SLITRK5: variants seen among roughly 807,000 people sequenced by gnomAD.
SLITRK5 encodes the protein SLIT and NTRK-like protein 5.
Under a neutral mutation model 56.2 loss-of-function variants are expected in SLITRK5, and 23 were observed. The observed-to-expected ratio is 0.41, with a 90% CI of 0.29 to 0.58. SLITRK5 has a LOEUF of 0.58. Among genes scored for constraint, SLITRK5 ranks in the 20% least tolerant of loss-of-function variants. The pLI, the probability that SLITRK5 is intolerant of heterozygous loss-of-function variation, is 0.30. For missense variants in SLITRK5, 1,289 were observed against 1,226.6 expected (o/e 1.05, Z -0.76); for synonymous variants, 637 against 531.8 (o/e 1.20, Z -2.72).
Position 87,676,387 on chromosome 13 carries a change from G to A in SLITRK5, c.999G>A (p.Gly333=). 5 of 1,614,034 alleles carry A rather than the reference G, an allele frequency of 3.1e-6. No individual in the cohort carries two copies. The highest frequency in any genetic ancestry group is 2.5e-6 in the Non-Finnish European group (3 of 1,180,022). ...AACCCCCTTTGAAGCCCCCTAAGGG[G>A]ACTCGCCAACCCAACAAGCCCAGGG... The part of the protein sequence containing the change: ...VYKPPLKPPK[G]TRQPNKPRVR... The change falls in exon 2 of 2, where the codon GGG becomes GGA. Residue 333 remains glycine (G), a synonymous_variant. Coordinates refer to ENST00000683689, the MANE Select transcript of SLITRK5 (RefSeq NM_001384609.1).
At position 87,677,533 on chromosome 13, in the gene SLITRK5, C is replaced by A; in HGVS notation, c.2145C>A (p.Ser715Arg). The change falls in exon 2 of 2, where the codon AGC (serine) becomes AGA (arginine). Residue 715 changes from serine (S) to arginine (R), a missense_variant. Around this residue, in one of 3 missense-constraint regions of SLITRK5, gnomAD observed 985 missense variants for 906.0 expected, o/e 1.09. Transcript: ENST00000683689. The surrounding 1 kb of genome is among the most constrained non-coding windows in gnomAD (Gnocchi z 4.7). ...TGAGCTCCTTTAACATGCAGTACAG[C>A]GTGTACGGCGGCGGCGGCGGCACGG... ...SDVSSFNMQYSVYGGGGGTGG... is the reference protein window; with the variant it reads ...SDVSSFNMQYRVYGGGGGTGG... The A allele has an allele frequency of 1.9e-6, 3 of 1,608,866 alleles. No homozygotes were observed. The highest frequency in any genetic ancestry group is 2.5e-6 in the Non-Finnish European group (3 of 1,176,974).
chr13:87,677,023 G>T lies in SLITRK5; in HGVS notation c.1635G>T (p.Val545=). Reference sequence around the variant, plus strand: ...GTAACCACTTCACCTCCTTGCCAGTGAGTGGAGTTTTGGACCAGCTGAAGT... The same window carrying T: ...GTAACCACTTCACCTCCTTGCCAGTTAGTGGAGTTTTGGACCAGCTGAAGT... ...LRSNHFTSLP[V]SGVLDQLKSL... is the part of the protein sequence containing the mutation. The change falls in exon 2 of 2, where the codon GTG becomes GTT. Residue 545 remains valine, a synonymous_variant. Coordinates refer to ENST00000683689, the MANE Select transcript of SLITRK5 (RefSeq NM_001384609.1). The surrounding 1 kb of genome is among the most constrained non-coding windows in gnomAD (Gnocchi z 4.7). 1.2e-6 allele frequency: 2 copies of T among 1,614,116 alleles called. No individual in the cohort carries two copies. The highest frequency in any genetic ancestry group is 1.7e-6 in the Non-Finnish European group (2 of 1,180,024).
intron 1 of SLITRK5, chr13:87,673,533 T>G (rs750600746): frequency 4.5e-5 from 58 of 1,281,614 alleles, no homozygotes; most frequent in Non-Finnish European, 5.7e-5. Flanking sequence ...CCTCGCTGAA[T>G]GGATGTGCGG....
Position 87,675,545 on chromosome 13 carries a change from C to T in SLITRK5, c.157C>T (p.Pro53Ser), listed in dbSNP as rs780880574. The change falls in exon 2 of 2, where the codon CCT becomes TCT. Residue 53 changes from proline (P) to serine (S), a missense_variant. By Grantham distance (74) the Pro-to-Ser change is moderately conservative (BLOSUM62 -1). Transcript: ENST00000683689. ...YYGEICDNAC[P>S]CEEKDGILTV... The stretch of plus-strand genomic sequence containing the variant: ...TGGGGAAATCTGTGACAATGCATGT[C>T]CTTGTGAGGAAAAGGACGGCATTTT... 3.7e-6 allele frequency: 6 copies of T among 1,614,138 alleles called. No homozygotes were observed. Among genetic ancestry groups the T allele is most frequent in the East Asian group, 2.2e-5 (1 of 44,858 alleles).
At position 87,675,970 on chromosome 13, in the gene SLITRK5, C is replaced by T; in HGVS notation, c.582C>T (p.Asn194=). ...LNDNLLSSLP[N]NLFRFVPLTH... ...ACAATCTTTTGTCCAGTTTACCCAA[C>T]AATCTTTTCCGTTTTGTGCCCTTAA... is the stretch of plus-strand genomic sequence containing the variant. Residue 194 remains asparagine (N), a synonymous_variant, in exon 2 of 2, where the codon AAC becomes AAT. Coordinates refer to ENST00000683689, the MANE Select transcript of SLITRK5 (RefSeq NM_001384609.1). 2 of 1,614,144 alleles carry T rather than the reference C, an allele frequency of 1.2e-6. No homozygotes were observed. Among genetic ancestry groups the T allele is most frequent in the South Asian group, 1.1e-5 (1 of 91,088 alleles).
At chr13:87,672,330 G>A (rs965501962) in intron 1 of SLITRK5, among the ~76,000 whole-genome samples, 121 bp downstream of exon 1, 30 of 152,084 alleles carry the variant, frequency 2.0e-4, no homozygotes, top group Non-Finnish European at 4.0e-4. Flanking sequence ...GCGAGCGCTC[G>A]GCGGGGCTGA....
In SLITRK5 at chr13:87,678,048, A is replaced by C; in HGVS notation, c.2660A>C (p.Tyr887Ser). 1 of 1,614,032 alleles carries C rather than the reference A, an allele frequency of 6.2e-7. No homozygotes were observed. Reference sequence around the variant, plus strand: ...AAATTCCCGTGCAGCCCCGCTGCTTACACTTTCTCCCCCAACTATGACCTG... The same window carrying C: ...AAATTCCCGTGCAGCCCCGCTGCTTCCACTTTCTCCCCCAACTATGACCTG... ...YPKFPCSPAA[Y>S]TFSPNYDLRR... The change falls in exon 2 of 2, where the codon TAC becomes TCC. Residue 887 changes from tyrosine (Y) to serine (S), a missense_variant. Tyr to Ser is a moderately radical substitution (Grantham distance 144, BLOSUM62 -2). Around this residue, in one of 3 missense-constraint regions of SLITRK5, gnomAD observed 985 missense variants for 906.0 expected, o/e 1.09. Transcript: ENST00000683689.
Position 87,676,642 on chromosome 13 carries a change from G to T in SLITRK5, c.1254G>T (p.Glu418Asp), listed in dbSNP as rs1371159928. Residue 418 changes from glutamate to aspartate, a missense_variant, in exon 2 of 2, where the codon GAG becomes GAT. Around this residue, in one of 3 missense-constraint regions of SLITRK5, gnomAD observed 985 missense variants for 906.0 expected, o/e 1.09. Coordinates refer to ENST00000683689, the MANE Select transcript of SLITRK5 (RefSeq NM_001384609.1). ...PYNPKKMYLT[E>D]NYIAVVRRTD... ...ATCCCAAGAAAATGTATCTGACAGA[G>T]AACTACATCGCTGTCGTGCGCAGGA... The T allele has an allele frequency of 2.5e-6, 4 of 1,613,988 alleles. No homozygotes were observed. The highest frequency in any genetic ancestry group is 3.4e-6 in the Non-Finnish European group (4 of 1,180,044).
At position 87,678,145 on chromosome 13, in the gene SLITRK5, C is replaced by G; in HGVS notation, c.2757C>G (p.Pro919=). The G allele has an allele frequency of 6.2e-7, 1 of 1,614,206 alleles. No individual in the cohort carries two copies. The highest frequency in any genetic ancestry group is 8.5e-7 in the Non-Finnish European group (1 of 1,180,030). Residue 919 remains proline (P), a synonymous_variant, in exon 2 of 2, where the codon CCC becomes CCG. Transcript: ENST00000683689. The stretch of plus-strand genomic sequence containing the variant: ...TACGGGAACCGGTGCTCTACAGCCC[C>G]CCGAGTGCTGTCTTTGTAGAACCCA... ...SRLREPVLYS[P]PSAVFVEPNR...
At position 87,676,699 on chromosome 13, in the gene SLITRK5, C is replaced by A; in HGVS notation, c.1311C>A (p.Leu437=). The A allele has an allele frequency of 6.2e-7, 1 of 1,614,094 alleles. No individual in the cohort carries two copies. The change falls in exon 2 of 2, where the codon CTC becomes CTA. Residue 437 remains leucine, a synonymous_variant. Transcript: ENST00000683689. ...TDFLEATGLD[L]LHLGNNRISM... is the part of the protein sequence containing the mutation. ...TCCTGGAGGCCACGGGGCTGGACCT[C>A]CTGCACCTGGGGAATAACCGCATCT...
Position 87,677,033 on chromosome 13 carries a change from T to C in SLITRK5, c.1645T>C (p.Leu549=), listed in dbSNP as rs1430982680. 1.2e-6 allele frequency: 2 copies of C among 1,613,962 alleles called. No homozygotes were observed. The highest frequency in any genetic ancestry group is 1.7e-6 in the Non-Finnish European group (2 of 1,180,022). ...HFTSLPVSGV[L]DQLKSLIQID... is the part of the protein sequence containing the mutation. Reference sequence around the variant, plus strand: ...CACCTCCTTGCCAGTGAGTGGAGTTTTGGACCAGCTGAAGTCACTCATCCA... The same window carrying C: ...CACCTCCTTGCCAGTGAGTGGAGTTCTGGACCAGCTGAAGTCACTCATCCA... Residue 549 remains leucine (L), a synonymous_variant, in exon 2 of 2, where the codon TTG becomes CTG. Transcript: ENST00000683689. This position sits in a 1 kb window ranked among gnomAD's most constrained non-coding sequence, Gnocchi z 4.7.
Position 87,676,375 on chromosome 13 carries a change from G to A in SLITRK5, c.987G>A (p.Lys329=). Residue 329 remains lysine (K), a synonymous_variant, in exon 2 of 2, where the codon AAG becomes AAA. Transcript: ENST00000683689. ...SSSAVYKPPL[K]PPKGTRQPNK... ...CTGCTGTTTACAAACCCCCTTTGAAGCCCCCTAAGGGGACTCGCCAACCCA... is the reference window on the plus strand; with the variant it reads ...CTGCTGTTTACAAACCCCCTTTGAAACCCCCTAAGGGGACTCGCCAACCCA... 6.2e-7 allele frequency: 1 copy of A among 1,614,042 alleles called. No individual in the cohort carries two copies. Among genetic ancestry groups the A allele is most frequent in the Non-Finnish European group, 8.5e-7 (1 of 1,179,996 alleles).
At chr13:87,672,255 A>T (rs577323496) in intron 1 of SLITRK5, among the ~76,000 whole-genome samples, 46 bp downstream of exon 1, 2 of 152,058 alleles carry the variant, frequency 1.3e-5, no homozygotes, top group South Asian at 4.2e-4. Context: ...GCTGCCAGGG[A>T]CCCCGCGATC....
Position 87,677,948 on chromosome 13 carries a change from T to C in SLITRK5, c.2560T>C (p.Phe854Leu), listed in dbSNP as rs1345374668. The C allele has an allele frequency of 6.2e-7, 1 of 1,613,748 alleles. No homozygotes were observed. Residue 854 changes from phenylalanine (F) to leucine (L), a missense_variant, in exon 2 of 2, where the codon TTT becomes CTT. By Grantham distance (22) the Phe-to-Leu change is conservative. Around this residue, in one of 3 missense-constraint regions of SLITRK5, gnomAD observed 985 missense variants for 906.0 expected, o/e 1.09. Coordinates refer to ENST00000683689, the MANE Select transcript of SLITRK5 (RefSeq NM_001384609.1). The surrounding 1 kb of genome is among the most constrained non-coding windows in gnomAD (Gnocchi z 4.7). ...LLSPVQDADR[F>L]YRGILEPDKH... Reference sequence around the variant, plus strand: ...GTCGCCGGTGCAGGACGCCGACCGCTTTTACAGGGGCATTTTAGAACCAGA... The same window carrying C: ...GTCGCCGGTGCAGGACGCCGACCGCCTTTACAGGGGCATTTTAGAACCAGA...
chr13:87,677,746 C>T lies in SLITRK5; in HGVS notation c.2358C>T (p.Tyr786=). The change falls in exon 2 of 2, where the codon TAC becomes TAT. Residue 786 remains tyrosine, a synonymous_variant. Transcript: ENST00000683689. The surrounding 1 kb of genome is among the most constrained non-coding windows in gnomAD (Gnocchi z 4.7). The part of the protein sequence containing the change: ...YKDLHELKVT[Y]SSNHHLQQQQ... ...ACCTGCACGAGCTCAAGGTCACCTACAGCAGCAACCACCACCTGCAGCAGC... is the reference window on the plus strand; with the variant it reads ...ACCTGCACGAGCTCAAGGTCACCTATAGCAGCAACCACCACCTGCAGCAGC... 1 of 1,612,962 alleles carries T rather than the reference C, an allele frequency of 6.2e-7. No homozygotes were observed.
At position 87,676,990 on chromosome 13, in the gene SLITRK5, C is replaced by A; in HGVS notation, c.1602C>A (p.Asn534Lys). 1 of 1,614,136 alleles carries A rather than the reference C, an allele frequency of 6.2e-7. No homozygotes were observed. Among genetic ancestry groups the A allele is most frequent in the Non-Finnish European group, 8.5e-7 (1 of 1,180,036 alleles). The change falls in exon 2 of 2, where the codon AAC becomes AAA. Residue 534 changes from asparagine (N) to lysine (K), a missense_variant. This residue lies in a region of SLITRK5 where 985 missense variants were observed against 906.0 expected (regional missense o/e 1.09). Coordinates refer to ENST00000683689, the MANE Select transcript of SLITRK5 (RefSeq NM_001384609.1). The part of the protein sequence containing the change: ...VFSGLTLLRL[N>K]LRSNHFTSLP... ...CTGGCTTGACCCTCCTCAGGCTAAACCTGAGGAGTAACCACTTCACCTCCT... is the reference window on the plus strand; with the variant it reads ...CTGGCTTGACCCTCCTCAGGCTAAAACTGAGGAGTAACCACTTCACCTCCT...
rs746482424 is a variant in SLITRK5 at position 87,677,454 on chromosome 13, T to C, written c.2066T>C (p.Met689Thr). ...FVAAGLFVLV[M>T]KRRKKNQSDH... ...GCCGCCGGGCTCTTCGTGCTGGTCATGAAGCGCAGGAAGAAGAACCAGAGC... is the reference window on the plus strand; with the variant it reads ...GCCGCCGGGCTCTTCGTGCTGGTCACGAAGCGCAGGAAGAAGAACCAGAGC... The change falls in exon 2 of 2, where the codon ATG becomes ACG. Residue 689 changes from methionine to threonine, a missense_variant. Physicochemically the swap from Met to Thr is moderately conservative, Grantham distance 81 (BLOSUM62 -1). Coordinates refer to ENST00000683689, the MANE Select transcript of SLITRK5 (RefSeq NM_001384609.1). The surrounding 1 kb of genome is among the most constrained non-coding windows in gnomAD (Gnocchi z 4.7). 1.9e-6 allele frequency: 3 copies of C among 1,612,818 alleles called. No individual in the cohort carries two copies. Among genetic ancestry groups the C allele is most frequent in the Non-Finnish European group, 8.5e-7 (1 of 1,179,968 alleles).
rs1419835813 is a variant in SLITRK5 at position 87,671,863 on chromosome 13, G to T, written c.-355G>T. On this transcript the variant is annotated 5_prime_UTR_variant, in exon 1 of 2. Transcript: ENST00000683689. Reference sequence around the variant, plus strand: ...CAGCGCGGTGGTCGCCGCTGCGCTGGGGGGCGGAGGACAGCGCAGGAGCTG... The same window carrying T: ...CAGCGCGGTGGTCGCCGCTGCGCTGTGGGGCGGAGGACAGCGCAGGAGCTG... 6.6e-6 allele frequency among the ~76,000 whole-genome samples: 1 copy of T among 151,950 alleles called. No homozygotes were observed. Among genetic ancestry groups the T allele is most frequent in the African/African-American group, 2.4e-5 (1 of 41,370 alleles).
At chr13:87,675,329 C>T in intron 1 of SLITRK5, 52 bp from the exon 2 acceptor site, 2 of 1,355,978 alleles carry the variant, frequency 1.5e-6, no homozygotes, top group South Asian at 2.6e-5. Context: ...TGACTGATCC[C>T]TTAAATTTTT....
Sources: gnomAD v4.1 joint callset for allele counts (sites outside exome capture counted in the v4.1 genomes callset) on GRCh38, gnomAD v4.1.1 for gene constraint, gnomAD v4.1.1 regional missense constraint, Gnocchi (gnomAD v3.1) non-coding constraint, MANE v1.5 for transcripts, NCBI Gene and HGNC (gene_info 2026-07-23, HGNC 2026-07-21) for gene names.